CCDC158: variants seen among roughly 807,000 people sequenced by gnomAD.
CCDC158 encodes the protein coiled-coil domain-containing protein 158.
Under a neutral mutation model 138.6 loss-of-function variants are expected in CCDC158, and 116 were observed. The observed-to-expected ratio is 0.84, with a 90% CI of 0.72 to 0.98. The LOEUF (loss-of-function observed/expected upper bound fraction) is 0.98, where lower values mean the gene tolerates loss of function less well. Ranked by LOEUF, CCDC158 falls within the 50% of genes least tolerant of loss-of-function variation. The probability of loss-of-function intolerance (pLI) is 0.00; values close to 1 mark genes in which losing one functional copy is unlikely to be tolerated. For synonymous variants in CCDC158, 436 were observed against 442.4 expected (o/e 0.99, Z 0.18); for missense variants, 1,265 against 1,306.1 (o/e 0.97, Z 0.48).
chr4:76,353,473 C>A (rs1723246403), intron 15 of CCDC158, among the ~76,000 whole-genome samples, 192 bp from the exon 16 acceptor site: 1 of 152,126 alleles, frequency 6.6e-6, no homozygotes, highest in Non-Finnish European at 1.5e-5. Flanking sequence ...CTATTTTAAT[C>A]ATTGCTGGTA....
intron 13 of CCDC158, among the ~76,000 whole-genome samples, chr4:76,361,775 GT>G (rs72499288): frequency 0.029 from 4,459 of 152,152 alleles, 217 homozygotes; most frequent in African/African-American, 0.1. Flanking sequence ...AGGACTCAAG[GT>G]TTTCCACTTT....
chr4:76,416,119 T>C (rs1729677488), intron 1 of CCDC158, among the ~76,000 whole-genome samples: 1 of 151,970 alleles, frequency 6.6e-6, no homozygotes, highest in Non-Finnish European at 1.5e-5. Flanking sequence ...TAAGCAGAAA[T>C]AATGGTGTAA....
At chr4:76,379,500 T>G (rs1726027477) in intron 8 of CCDC158, 96 bp from the exon 9 acceptor site, 1 of 586,602 alleles carries the variant, frequency 1.7e-6, no homozygotes, top group Non-Finnish European at 2.8e-6. Flanking sequence ...CCACTAGTTA[T>G]TTTATATGGC....
At chr4:76,362,356 A>G (rs950014765) in intron 12 of CCDC158, 41 bp from the exon 13 acceptor site, 6 of 1,439,008 alleles carry the variant, frequency 4.2e-6, no homozygotes, top group Non-Finnish European at 5.8e-6. Flanking sequence ...GAAGTAAAAA[A>G]TATGTACATG....
At chr4:76,340,634 A>T (rs1450021378) in intron 18 of CCDC158, among the ~76,000 whole-genome samples, 1 of 152,036 alleles carries the variant, frequency 6.6e-6, no homozygotes, top group Non-Finnish European at 1.5e-5. Flanking sequence ...TAGACTGGAC[A>T]TAAGCAACAC....
At chr4:76,335,256 G>C (rs1383168288) in intron 18 of CCDC158, among the ~76,000 whole-genome samples, 1 of 152,136 alleles carries the variant, frequency 6.6e-6, no homozygotes, top group Non-Finnish European at 1.5e-5. Context: ...CGAAACACTG[G>C]TTTTGTTCTT....
At chr4:76,347,644 C>T (rs1722686005) in intron 18 of CCDC158, among the ~76,000 whole-genome samples, 1 of 152,052 alleles carries the variant, frequency 6.6e-6, no homozygotes, top group Admixed American at 6.5e-5. Context: ...CACCATGGCA[C>T]ATGTATACCT....
intron 13 of CCDC158, among the ~76,000 whole-genome samples, chr4:76,358,589 T>C (rs1169782689): frequency 6.6e-6 from 1 of 152,214 alleles, no homozygotes; most frequent in East Asian, 1.9e-4. Flanking sequence ...ATTTCATGGC[T>C]TCATGCATTT....
intron 4 of CCDC158, among the ~76,000 whole-genome samples, chr4:76,391,027 A>C (rs1727265507): frequency 6.6e-6 from 1 of 152,054 alleles, no homozygotes; most frequent in African/African-American, 2.4e-5. Context: ...TCAATACAAC[A>C]ATAGCTAGAG....
chr4:76,371,411 T>A lies in CCDC158; in HGVS notation c.1149+6A>T, dbSNP rs1298161663. On this transcript the variant is annotated splice_donor_region_variant and intron_variant, in intron 10 of 24. Coordinates refer to ENST00000682701, the MANE Select transcript of CCDC158 (RefSeq NM_001394954.1). ...GTCTTATTCATATTTTAAAGCATAA[T>A]CTTACCAACAGCTTTTGAAGTTGAT... is the stretch of plus-strand genomic sequence containing the variant. The A allele has an allele frequency of 2.5e-6, 4 of 1,613,638 alleles. No homozygotes were observed. Among genetic ancestry groups the A allele is most frequent in the Non-Finnish European group, 3.4e-6 (4 of 1,179,734 alleles).
At chr4:76,360,747 G>GT (rs1215335369) in intron 13 of CCDC158, among the ~76,000 whole-genome samples, 2 of 152,172 alleles carry the variant, frequency 1.3e-5, no homozygotes, top group Non-Finnish European at 2.9e-5. Flanking sequence ...TAATTAACTT[G>GT]TTTTTTATTT....
At position 76,338,032 on chromosome 4, in the gene CCDC158, G is replaced by A. The variant is rs568903114; in HGVS notation, c.2665-3865C>T. On this transcript the variant is annotated intron_variant, in intron 18 of 24. Coordinates refer to ENST00000682701, the MANE Select transcript of CCDC158 (RefSeq NM_001394954.1). ...GCTGCTCCCCATCACTCACATTACC[G>A]TCTGAGCTCCACCTCCTGTCAGATC... Among the ~76,000 whole-genome samples, 4 of 152,296 alleles carry A rather than the reference G, an allele frequency of 2.6e-5. No individual in the cohort carries two copies. In the South Asian group the frequency reaches 6.2e-4, roughly 24 times the overall value.
intron 2 of CCDC158, chr4:76,407,287 A>G (rs1439954738): frequency 6.6e-6 from 1 of 152,156 alleles, no homozygotes; most frequent in African/African-American, 2.4e-5. Flanking sequence ...GAACATATCT[A>G]CCTTAATATG....
At chr4:76,313,940 A>C (rs1261345725) in intron 24 of CCDC158, among the ~76,000 whole-genome samples, 1 of 152,236 alleles carries the variant, frequency 6.6e-6, no homozygotes, top group African/African-American at 2.4e-5. Flanking sequence ...AATGTATTAG[A>C]ATTTAGTAAA....
At chr4:76,365,743 T>C (rs1724593901) in intron 12 of CCDC158, among the ~76,000 whole-genome samples, 2 of 152,160 alleles carry the variant, frequency 1.3e-5, no homozygotes, top group Admixed American at 1.3e-4. Flanking sequence ...GGACCAGCAG[T>C]ATCCACGTCA....
At chr4:76,366,630 C>CAA (rs1221835399) in intron 12 of CCDC158, among the ~76,000 whole-genome samples, 11 of 150,708 alleles carry the variant, frequency 7.3e-5, no homozygotes, top group Admixed American at 3.3e-4. Context: ...TACATAAACA[C>CAA]ACACACAAAC....
At chr4:76,406,916 CAT>C (rs1381768574) in intron 2 of CCDC158, among the ~76,000 whole-genome samples, 2 of 151,630 alleles carry the variant, frequency 1.3e-5, no homozygotes, top group African/African-American at 4.8e-5. Context: ...AACACAAAAA[CAT>C]AGAAAAATGG....
At chr4:76,400,592 C>A (rs1041697071) in intron 3 of CCDC158, among the ~76,000 whole-genome samples, 5 of 150,872 alleles carry the variant, frequency 3.3e-5, no homozygotes, top group Admixed American at 2.0e-4. Flanking sequence ...TCTGCACTAC[C>A]CACCCACCAC....
intron 24 of CCDC158, among the ~76,000 whole-genome samples, chr4:76,314,675 G>A (rs76515271): frequency 0.027 from 4,064 of 152,226 alleles, 183 homozygotes; most frequent in African/African-American, 0.093. Flanking sequence ...CAAATTTAGC[G>A]CAAAATATAA....
Sources: allele counts gnomAD v4.1 joint callset (sites outside exome capture counted in the v4.1 genomes callset), GRCh38; gene constraint gnomAD v4.1.1; transcripts MANE v1.5; gene names NCBI Gene and HGNC (gene_info 2026-07-23, HGNC 2026-07-21).